Variants in SKAP2 observed in about 807,000 individuals in gnomAD.
SKAP2 encodes the protein src kinase-associated phosphoprotein 2.
Under a neutral mutation model 54.9 loss-of-function variants are expected in SKAP2, and 28 were observed. That is an observed-to-expected ratio of 0.51 (90% CI 0.38 to 0.70). SKAP2 has a LOEUF of 0.70. Ranked by LOEUF, SKAP2 falls within the 30% of genes least tolerant of loss-of-function variation. The pLI, the probability that SKAP2 is intolerant of heterozygous loss-of-function variation, is 0.00. For synonymous variants in SKAP2, 137 were observed against 134.3 expected (o/e 1.02, Z -0.14); for missense variants, 356 against 424.1 (o/e 0.84, Z 1.41).
chr7:26,707,850 A>G (rs1584343272), intron 9 of SKAP2, among the ~76,000 whole-genome samples: 2 of 152,294 alleles, frequency 1.3e-5, no homozygotes, highest in Admixed American at 6.5e-5. Context: ...CCAAGTTTAT[A>G]CCATCCTCAA....
chr7:26,829,273 T>TGGGAGGCTCAACACTTC (rs2127992076), intron 4 of SKAP2, among the ~76,000 whole-genome samples: 2 of 152,242 alleles, frequency 1.3e-5, no homozygotes, highest in South Asian at 4.2e-4. Context: ...CTCAACACTT[T>TGGGAGGCTCAACACTTC]GGGAGGCTCA....
intron 4 of SKAP2, among the ~76,000 whole-genome samples, chr7:26,784,726 T>A (rs903497155): frequency 3.9e-5 from 6 of 152,194 alleles, no homozygotes; most frequent in African/African-American, 9.6e-5. Context: ...AGAGTGAACA[T>A]AAGAAAGTTT....
chr7:26,818,806 C>G (rs755270179), intron 4 of SKAP2, among the ~76,000 whole-genome samples: 1 of 152,042 alleles, frequency 6.6e-6, no homozygotes, highest in Non-Finnish European at 1.5e-5. Context: ...ATGTGGCCAA[C>G]AAACATATGA....
At chr7:26,743,394 C>T (rs78345605) in intron 4 of SKAP2, among the ~76,000 whole-genome samples, 11,731 of 152,060 alleles carry the variant, frequency 0.077, 576 homozygotes, top group Middle Eastern at 0.16. Context: ...AAATGAAATA[C>T]AGGAAAAAGC....
At chr7:26,710,396 C>T (rs772015683) in intron 9 of SKAP2, among the ~76,000 whole-genome samples, 12 of 152,164 alleles carry the variant, frequency 7.9e-5, no homozygotes, top group Non-Finnish European at 1.5e-4. Context: ...TTTAGAGAAG[C>T]TCAGAGAAGC....
At chr7:26,705,722 C>G (rs1020685939) in intron 9 of SKAP2, among the ~76,000 whole-genome samples, 2 of 152,170 alleles carry the variant, frequency 1.3e-5, no homozygotes, top group East Asian at 3.9e-4. Context: ...CATGTGTCCA[C>G]AGGAAAAGTC....
chr7:26,702,929 A>G (rs999131164), intron 9 of SKAP2, among the ~76,000 whole-genome samples: 2 of 152,226 alleles, frequency 1.3e-5, no homozygotes, highest in Non-Finnish European at 2.9e-5. Flanking sequence ...TATCTTGAGC[A>G]GTGGTTATCA....
intron 11 of SKAP2, among the ~76,000 whole-genome samples, chr7:26,670,913 T>C (rs779637788): frequency 1.3e-5 from 2 of 152,044 alleles, no homozygotes; most frequent in Non-Finnish European, 2.9e-5. Context: ...TAGTGGAAGA[T>C]CAATAGGAAA....
At chr7:26,735,656 C>T (rs1001628307) in intron 6 of SKAP2, among the ~76,000 whole-genome samples, 1 of 152,180 alleles carries the variant, frequency 6.6e-6, no homozygotes, top group Non-Finnish European at 1.5e-5. Context: ...CTAAATCCTA[C>T]TTAGTTGGAG....
At chr7:26,848,860 A>G (rs1033097610) in intron 3 of SKAP2, among the ~76,000 whole-genome samples, 5 of 152,208 alleles carry the variant, frequency 3.3e-5, no homozygotes, top group East Asian at 3.8e-4. Context: ...TTCTTCTACA[A>G]TAGGAGGGCA....
intron 1 of SKAP2, among the ~76,000 whole-genome samples, chr7:26,862,484 AAT>A (rs1327035080): frequency 2.6e-5 from 4 of 152,082 alleles, no homozygotes; most frequent in African/African-American, 9.7e-5. Context: ...TGTGTGTTTT[AAT>A]ATGTGATTTG....
chr7:26,827,188 G>C (rs894959515), intron 4 of SKAP2, among the ~76,000 whole-genome samples: 4 of 152,156 alleles, frequency 2.6e-5, no homozygotes, highest in Non-Finnish European at 5.9e-5. Context: ...TAAAAAGCAA[G>C]GAGGAGCTTC....
intron 4 of SKAP2, among the ~76,000 whole-genome samples, chr7:26,832,940 T>C (rs182301917): frequency 1.3e-4 from 20 of 152,316 alleles, no homozygotes; most frequent in African/African-American, 4.8e-4. Flanking sequence ...CAAAAGCAGC[T>C]GGCAGTAAAG....
rs1018206698 is a variant in SKAP2 at position 26,795,737 on chromosome 7, G to T, written c.307+48293C>A. Among the ~76,000 whole-genome samples, 11 of 152,192 alleles carry T rather than the reference G, an allele frequency of 7.2e-5. 1 individual carries two copies. Among genetic ancestry groups the T allele is most frequent in the Non-Finnish European group, 1.6e-4 (11 of 68,036 alleles). ...GGCACCTATGAAGAGTACTGTTTGAGAAACTTAGTAAGTCACTTAACTCTT... is the reference window on the plus strand; with the variant it reads ...GGCACCTATGAAGAGTACTGTTTGATAAACTTAGTAAGTCACTTAACTCTT... On this transcript the variant is annotated intron_variant, in intron 4 of 12. Coordinates refer to ENST00000345317, the MANE Select transcript of SKAP2 (RefSeq NM_003930.5).
At chr7:26,728,480 G>A (rs1327726006) in intron 6 of SKAP2, among the ~76,000 whole-genome samples, 3 of 151,948 alleles carry the variant, frequency 2.0e-5, no homozygotes, top group Admixed American at 1.3e-4. Context: ...GATATATTTC[G>A]TAAGACACCT....
intron 4 of SKAP2, among the ~76,000 whole-genome samples, chr7:26,818,753 GGGGTAAAGGATAT>G: frequency 6.6e-6 from 1 of 151,894 alleles, no homozygotes; most frequent in African/African-American, 2.4e-5. Context: ...CATCAAAAAG[GGGGTAAAGGATAT>G]GAACAGACAT....
At chr7:26,680,609 A>G (rs1219752495) in intron 11 of SKAP2, among the ~76,000 whole-genome samples, 1 of 152,232 alleles carries the variant, frequency 6.6e-6, no homozygotes, top group East Asian at 1.9e-4. Flanking sequence ...TTTAAGAGAA[A>G]AAAGAGATTT....
intron 4 of SKAP2, among the ~76,000 whole-genome samples, chr7:26,814,063 A>C (rs148587714): frequency 1.2e-4 from 19 of 152,298 alleles, no homozygotes; most frequent in African/African-American, 4.6e-4. Context: ...AAAATTGATC[A>C]AACGATGCTA....
At chr7:26,715,055 T>C (rs1029280682) in intron 9 of SKAP2, among the ~76,000 whole-genome samples, 1 of 152,194 alleles carries the variant, frequency 6.6e-6, no homozygotes, top group South Asian at 2.1e-4. Context: ...ATATCTGACC[T>C]TCTGGTACAG....
Sources: allele counts gnomAD v4.1 joint callset (sites outside exome capture counted in the v4.1 genomes callset), GRCh38; gene constraint gnomAD v4.1.1; transcripts MANE v1.5; gene names NCBI Gene and HGNC (gene_info 2026-07-23, HGNC 2026-07-21).